RARB: variants seen among roughly 807,000 people sequenced by gnomAD.
The protein encoded by RARB is retinoic acid receptor beta, also known as HBV-activated protein.
Under a neutral mutation model 51.9 loss-of-function variants are expected in RARB, and 17 were observed. That is an observed-to-expected ratio of 0.33 (90% confidence interval 0.22 to 0.49). RARB has a LOEUF of 0.49. RARB is among the 20% of genes least tolerant of loss of function. RARB has a pLI of 0.99. For synonymous variants in RARB, 215 were observed against 195.4 expected (o/e 1.10, Z -0.84); for missense variants, 369 against 550.8 (o/e 0.67, Z 3.30).
intron 5 of RARB, among the ~76,000 whole-genome samples, chr3:25,590,472 C>T (rs916412907): frequency 5.9e-5 from 9 of 152,154 alleles, no homozygotes; most frequent in Non-Finnish European, 1.0e-4. Context: ...AGACTAGAAA[C>T]GTATCCCAGG....
intron 3 of RARB, among the ~76,000 whole-genome samples, chr3:25,066,288 G>C (rs1698660348): frequency 6.6e-6 from 1 of 152,126 alleles, no homozygotes; most frequent in Admixed American, 6.5e-5. Flanking sequence ...TGGTTGACTA[G>C]GATGTCAATG....
chr3:25,523,957 G>T (rs1698522665), intron 3 of RARB, among the ~76,000 whole-genome samples: 1 of 152,182 alleles, frequency 6.6e-6, no homozygotes, highest in Admixed American at 6.5e-5. Flanking sequence ...TTTAAAAACT[G>T]CCTCTTTAAA....
At chr3:24,877,891 T>G (rs1703077754) in intron 2 of RARB, among the ~76,000 whole-genome samples, 1 of 152,290 alleles carries the variant, frequency 6.6e-6, no homozygotes, top group South Asian at 2.1e-4. Flanking sequence ...AAGGAAGATT[T>G]TCCTGTTTCT....
At chr3:25,356,638 A>G (rs1288500997) in intron 5 of RARB, among the ~76,000 whole-genome samples, 2 of 151,882 alleles carry the variant, frequency 1.3e-5, no homozygotes, top group South Asian at 2.1e-4. Flanking sequence ...TACATTAGGT[A>G]TTTCTCCTGA....
intron 2 of RARB, among the ~76,000 whole-genome samples, chr3:25,488,601 C>T (rs80327635): frequency 0.038 from 5,849 of 152,248 alleles, 237 homozygotes; most frequent in African/African-American, 0.11. Flanking sequence ...TGGGTTATAG[C>T]ATCAGGGACC....
chr3:25,341,845 C>A (rs73156031), intron 5 of RARB, among the ~76,000 whole-genome samples: 1 of 152,000 alleles, frequency 6.6e-6, no homozygotes, highest in East Asian at 1.9e-4. Context: ...TTTCGTTGAG[C>A]CTTGGGAAAG....
chr3:25,177,590 A>G (rs1483651572), intron 5 of RARB, among the ~76,000 whole-genome samples: 6 of 152,202 alleles, frequency 3.9e-5, no homozygotes, highest in Non-Finnish European at 7.3e-5. Context: ...GTAATTGTAA[A>G]GGCTCAATAA....
chr3:25,067,793 T>C (rs141882360), intron 3 of RARB, among the ~76,000 whole-genome samples: 11 of 152,262 alleles, frequency 7.2e-5, no homozygotes, highest in African/African-American at 2.6e-4. Flanking sequence ...TTTTGCAACA[T>C]TTACGTCACA....
At chr3:25,304,680 C>T (rs1439149574) in intron 5 of RARB, among the ~76,000 whole-genome samples, 1 of 152,218 alleles carries the variant, frequency 6.6e-6, no homozygotes, top group Non-Finnish European at 1.5e-5. Flanking sequence ...TTTGATTTCA[C>T]CTGGGTTATT....
intron 2 of RARB, among the ~76,000 whole-genome samples, chr3:24,970,812 T>C (rs1045113880): frequency 2.0e-5 from 3 of 152,028 alleles, no homozygotes; most frequent in Non-Finnish European, 4.4e-5. Context: ...AAGACTGCTG[T>C]CTTACCTACT....
rs1446877900 is a variant in RARB, at chr3:24,881,141, C to G, written c.-380+22389C>G. ...AGTTCCTCCTTTGTTCCCTTTCTCT[C>G]CTGCTGCCATGTAAGATGTGCCTTG... On this transcript the variant is annotated intron_variant, in intron 2 of 11. Transcript: ENST00000383772. Among the ~76,000 whole-genome samples, 3 of 152,166 alleles carry G rather than the reference C, an allele frequency of 2.0e-5. No individual in the cohort carries two copies. In the South Asian group the frequency reaches 6.2e-4, roughly 32 times the overall value.
Position 25,541,163 on chromosome 3 carries a change from A to C in RARB, c.449-28595A>C, listed in dbSNP as rs1281131466. On this transcript the variant is annotated intron_variant, in intron 3 of 7. Coordinates refer to ENST00000330688, the MANE Select transcript of RARB (RefSeq NM_000965.5). ...ATTGAGTAGTTGTGACAGAGATGGT[A>C]TGACCCGCAGAGATCATTTTGCTGA... Among the ~76,000 whole-genome samples, 4 of 152,194 alleles carry C rather than the reference A, an allele frequency of 2.6e-5. No individual in the cohort carries two copies. In the East Asian group the frequency reaches 7.7e-4, roughly 29 times the overall value.
At chr3:24,845,731 AG>A (rs1259084590) in intron 1 of RARB, among the ~76,000 whole-genome samples, 1 of 150,760 alleles carries the variant, frequency 6.6e-6, no homozygotes, top group East Asian at 2.0e-4. Flanking sequence ...CCCACTTGAG[AG>A]TCAGTTCTCT....
At chr3:25,561,103 C>T (rs551461945) in intron 3 of RARB, among the ~76,000 whole-genome samples, 15 of 152,240 alleles carry the variant, frequency 9.9e-5, no homozygotes, top group African/African-American at 2.9e-4. Context: ...CAATAAATGA[C>T]GAGCTAAAAT....
intron 5 of RARB, among the ~76,000 whole-genome samples, chr3:25,284,965 C>A (rs1703613943): frequency 1.3e-5 from 2 of 152,282 alleles, no homozygotes; most frequent in East Asian, 3.9e-4. Context: ...GTCCTTATAG[C>A]AGCTCTGTGA....
At chr3:25,501,902 T>C (rs1302162435) in intron 3 of RARB, among the ~76,000 whole-genome samples, 4 of 152,248 alleles carry the variant, frequency 2.6e-5, no homozygotes, top group Non-Finnish European at 5.9e-5. Context: ...AAAAATTGGC[T>C]ACTGGTCCAT....
intron 5 of RARB, among the ~76,000 whole-genome samples, chr3:25,338,710 A>T (rs550127611): frequency 2.0e-5 from 3 of 152,284 alleles, no homozygotes; most frequent in Non-Finnish European, 4.4e-5. Context: ...TCATTTGTTC[A>T]TTCACTTATC....
chr3:25,288,065 A>G (rs1279043924), intron 5 of RARB, among the ~76,000 whole-genome samples: 1 of 152,140 alleles, frequency 6.6e-6, no homozygotes, highest in Non-Finnish European at 1.5e-5. Flanking sequence ...TGTTCATACA[A>G]TTTAAAGTAT....
intron 1 of RARB, among the ~76,000 whole-genome samples, chr3:25,431,682 C>G (rs1409266597): frequency 2.6e-5 from 4 of 152,108 alleles, no homozygotes; most frequent in Admixed American, 2.6e-4. Flanking sequence ...AGTGTGACAA[C>G]TTCTTGGCCT....
Sources: gnomAD v4.1 joint callset for allele counts (sites outside exome capture counted in the v4.1 genomes callset) on GRCh38, gnomAD v4.1.1 for gene constraint, MANE v1.5 for transcripts, NCBI Gene and HGNC (gene_info 2026-07-23, HGNC 2026-07-21) for gene names.